DPP9: variants seen among roughly 807,000 people sequenced by gnomAD.
The protein encoded by DPP9 is dipeptidyl peptidase IV-related protein-2.
In DPP9, 50 loss-of-function variants were observed where a neutral mutation model predicts 110.7. That is an observed-to-expected ratio of 0.45 (90% confidence interval 0.36 to 0.57). The LOEUF (loss-of-function observed/expected upper bound fraction) is 0.57, where lower values mean the gene tolerates loss of function less well. Among genes scored for constraint, DPP9 ranks in the 20% least tolerant of loss-of-function variants. The pLI is 0.00. For missense variants in DPP9, 1,022 were observed against 1,217.9 expected, an observed-to-expected ratio of 0.84 and a Z score of 2.39; for synonymous variants, 561 against 514.4, an observed-to-expected ratio of 1.09 and a Z score of -1.23.
intron 18 of DPP9, chr19:4,683,939 A>T: frequency 1.1e-6 from 1 of 887,480 alleles, no homozygotes; most frequent in Non-Finnish European, 1.6e-6. Context: ...TCTAGAGGGC[A>T]CAAGGAAGAA....
chr19:4,713,058 A>G lies in DPP9; in HGVS notation c.313+1023T>C, dbSNP rs146281211. Among the ~76,000 whole-genome samples, 358 of 152,324 alleles carry G rather than the reference A, an allele frequency of 2.4e-3. 1 individual carries two copies. The highest frequency in any genetic ancestry group is 0.014 in the Admixed American group (207 of 15,294). ...GGAACACTTGGCGATGTCTGAGGAC[A>G]TCTGTGGTTGTCACCACTGGGATGT... On this transcript the variant is annotated intron_variant, in intron 4 of 21. Coordinates refer to ENST00000262960, the MANE Select transcript of DPP9 (RefSeq NM_139159.5).
intron 2 of DPP9, among the ~76,000 whole-genome samples, chr19:4,720,158 C>T (rs1024320307): frequency 6.6e-6 from 1 of 152,228 alleles, no homozygotes; most frequent in Non-Finnish European, 1.5e-5. Context: ...TCATCTTTCT[C>T]AACAGGAGGT....
Position 4,693,844 on chromosome 19 carries a change from C to T in DPP9, c.1516+817G>A, listed in dbSNP as rs1365008966. Among the ~76,000 whole-genome samples, 1 of 152,076 alleles carries T rather than the reference C, an allele frequency of 6.6e-6. No individual in the cohort carries two copies. The highest frequency in any genetic ancestry group is 1.9e-4 in the East Asian group (1 of 5,192). ...CTCTCCTCCCTCTCTCCCCCTCCTC[C>T]CTGTGCTCCAGCCACAGGGGCCTCC... On this transcript the variant is annotated intron_variant, in intron 13 of 21. Coordinates refer to ENST00000262960, the MANE Select transcript of DPP9 (RefSeq NM_139159.5). This position sits in a 1 kb window ranked among gnomAD's most constrained non-coding sequence, Gnocchi z 5.0.
chr19:4,709,410 G>T (rs911058385), intron 4 of DPP9, among the ~76,000 whole-genome samples: 11 of 152,182 alleles, frequency 7.2e-5, no homozygotes, highest in Admixed American at 1.3e-4. Context: ...AGTTCAGTGA[G>T]ATGTGTGTGG....
rs186728004 is a variant in DPP9 at position 4,713,148 on chromosome 19, C to T, written c.313+933G>A. On this transcript the variant is annotated intron_variant, in intron 4 of 21. Transcript: ENST00000262960. ...TGCTCAGGACCCTGCAGTGGCCGGA[C>T]GGCCCCACCCCAGAGAACGATCTGG... 4.2e-3 allele frequency among the ~76,000 whole-genome samples: 635 copies of T among 152,364 alleles called. 7 individuals are homozygous for T. The highest frequency in any genetic ancestry group is 5.0e-3 in the Non-Finnish European group (341 of 68,038).
chr19:4,679,368 GT>G (rs2089451330), intron 21 of DPP9: 1 of 161,374 alleles, frequency 6.2e-6, no homozygotes. Flanking sequence ...CTCCCGCTCG[GT>G]CCCCCAAGCC....
At chr19:4,717,113 C>T (rs558378906) in intron 3 of DPP9, among the ~76,000 whole-genome samples, 1 of 152,280 alleles carries the variant, frequency 6.6e-6, no homozygotes, top group East Asian at 1.9e-4. Flanking sequence ...AAATGCTTCC[C>T]TTGTTTCATC....
At chr19:4,681,776 AG>A (rs1472535247) in intron 20 of DPP9, among the ~76,000 whole-genome samples, 2 of 150,020 alleles carry the variant, frequency 1.3e-5, no homozygotes, top group Non-Finnish European at 3.0e-5. Context: ...CATGTTGGCC[AG>A]GCTGGTCTCG....
In DPP9 at chr19:4,683,645, G is replaced by A. The variant is rs199647368; in HGVS notation, c.2179-16C>T. On this transcript the variant is annotated splice_polypyrimidine_tract_variant and intron_variant, in intron 18 of 21. Coordinates refer to ENST00000262960, the MANE Select transcript of DPP9 (RefSeq NM_139159.5). ...CCACCTGGCCCTGAGGGATGAAGCC[G>A]GGCACCTCTCAGTGGCCTCCTCCCG... 21 of 1,613,268 alleles carry A rather than the reference G, an allele frequency of 1.3e-5. No homozygotes were observed. The highest frequency in any genetic ancestry group is 2.7e-5 in the African/African-American group (2 of 75,034).
At chr19:4,688,700 C>T in intron 16 of DPP9, 57 bp downstream of exon 16, 1 of 1,368,688 alleles carries the variant, frequency 7.3e-7, no homozygotes, top group African/African-American at 1.5e-5. Context: ...GGGCCCTCGT[C>T]CCGTTTTACA....
At chr19:4,708,904 A>G (rs1390146017) in intron 4 of DPP9, among the ~76,000 whole-genome samples, 1 of 152,230 alleles carries the variant, frequency 6.6e-6, no homozygotes, top group Non-Finnish European at 1.5e-5. Context: ...AAACCGGCAC[A>G]TGTGCCCTTG....
chr19:4,713,952 C>T, intron 4 of DPP9, 129 bp downstream of exon 4: 1 of 1,361,846 alleles, frequency 7.3e-7, no homozygotes, highest in South Asian at 1.5e-5. Flanking sequence ...CCTCGAAGGA[C>T]AGCATGCCCA....
At chr19:4,678,731 A>T (rs2089282985) in intron 21 of DPP9, among the ~76,000 whole-genome samples, 1 of 152,028 alleles carries the variant, frequency 6.6e-6, no homozygotes. Context: ...TGCTCTGTTG[A>T]AAGGCAACAG....
intron 20 of DPP9, among the ~76,000 whole-genome samples, chr19:4,681,490 T>C (rs1176623080): frequency 2.6e-5 from 4 of 152,012 alleles, no homozygotes; most frequent in Admixed American, 2.0e-4. Flanking sequence ...CTAATTTTTA[T>C]ATTTTTAGTA....
rs545885969 is a variant in DPP9, at chr19:4,710,237, G to T, written c.313+3844C>A. 1.3e-5 allele frequency among the ~76,000 whole-genome samples: 2 copies of T among 151,292 alleles called. No individual in the cohort carries two copies. Among genetic ancestry groups the T allele is most frequent in the African/African-American group, 2.4e-5 (1 of 41,180 alleles). On this transcript the variant is annotated intron_variant, in intron 4 of 21. Coordinates refer to ENST00000262960, the MANE Select transcript of DPP9 (RefSeq NM_139159.5). The surrounding 1 kb of genome is among the most constrained non-coding windows in gnomAD (Gnocchi z 5.6). ...GCCTCGAGTGGCTGGCCTGGTGGGG[G>T]ATCGTGATCCACACAGGGCTAGGGC...
chr19:4,682,508 G>A lies in DPP9; in HGVS notation c.2474+188C>T, dbSNP rs1163469357. ...GCAAGGTGCAGTGAGGAGGGAGGGT[G>A]GGCTGGAGGGGACTGTGAGGCACAT... On this transcript the variant is annotated intron_variant, in intron 20 of 21. Transcript: ENST00000262960. The surrounding 1 kb of genome is among the most constrained non-coding windows in gnomAD (Gnocchi z 7.1). Among the ~76,000 whole-genome samples, 1 of 152,140 alleles carries A rather than the reference G, an allele frequency of 6.6e-6. No homozygotes were observed. Among genetic ancestry groups the A allele is most frequent in the East Asian group, 1.9e-4 (1 of 5,186 alleles).
chr19:4,677,922 G>C (rs963825423), intron 21 of DPP9, among the ~76,000 whole-genome samples: 4 of 152,168 alleles, frequency 2.6e-5, no homozygotes, highest in African/African-American at 7.2e-5. Context: ...GCCTGGGGCC[G>C]CCAGCTGCCT....
chr19:4,677,982 C>G (rs929134939), intron 21 of DPP9, among the ~76,000 whole-genome samples: 6 of 152,248 alleles, frequency 3.9e-5, no homozygotes, highest in Non-Finnish European at 5.9e-5. Flanking sequence ...TGCACTCTAT[C>G]TGTCCCACAC....
intron 21 of DPP9, among the ~76,000 whole-genome samples, chr19:4,677,047 G>A (rs1257780838): frequency 6.6e-6 from 1 of 152,150 alleles, no homozygotes; most frequent in Non-Finnish European, 1.5e-5. Flanking sequence ...CCCTGGTCTC[G>A]AGCCATTTCC....
Sources: allele counts gnomAD v4.1 joint callset (sites outside exome capture counted in the v4.1 genomes callset), GRCh38; gene constraint gnomAD v4.1.1; non-coding constraint Gnocchi (gnomAD v3.1); transcripts MANE v1.5; gene names NCBI Gene and HGNC (gene_info 2026-07-23, HGNC 2026-07-21).